SGCD: variants seen among roughly 807,000 people sequenced by gnomAD.
The protein encoded by SGCD is delta-sarcoglycan.
Under a neutral mutation model 36.6 loss-of-function variants are expected in SGCD, and 18 were observed. That is an observed-to-expected ratio of 0.49 (90% CI 0.34 to 0.73). SGCD has a LOEUF of 0.73. Ranked by LOEUF, SGCD falls within the 30% of genes least tolerant of loss-of-function variation. The probability of loss-of-function intolerance (pLI) is 0.01; values close to 1 mark genes in which losing one functional copy is unlikely to be tolerated. For synonymous variants in SGCD, 133 were observed against 130.6 expected (o/e 1.02, Z -0.12); for missense variants, 387 against 346.7 (o/e 1.12, Z -0.92).
At chr5:156,512,474 G>C (rs1756984729) in intron 4 of SGCD, among the ~76,000 whole-genome samples, 1 of 152,174 alleles carries the variant, frequency 6.6e-6, no homozygotes, top group South Asian at 2.1e-4. Context: ...GTGTGTAGTA[G>C]AGTACACCAT....
intron 3 of SGCD, among the ~76,000 whole-genome samples, chr5:156,299,566 C>T (rs1438530880): frequency 6.6e-6 from 1 of 152,064 alleles, no homozygotes; most frequent in Non-Finnish European, 1.5e-5. Flanking sequence ...AATCCACAAA[C>T]ATGGAAATAT....
intron 2 of SGCD, among the ~76,000 whole-genome samples, chr5:156,334,374 T>A (rs1205049981): frequency 6.6e-6 from 1 of 152,218 alleles, no homozygotes; most frequent in Non-Finnish European, 1.5e-5. Context: ...TGCGATCAGA[T>A]GTTTGAAATT....
At chr5:156,031,715 A>G (rs1759351167) in intron 1 of SGCD, among the ~76,000 whole-genome samples, 1 of 152,194 alleles carries the variant, frequency 6.6e-6, no homozygotes, top group South Asian at 2.1e-4. Context: ...CGGATTACCT[A>G]GTTTAAAGTT....
intron 3 of SGCD, among the ~76,000 whole-genome samples, chr5:156,233,439 G>A (rs1470646382): frequency 2.0e-5 from 3 of 152,188 alleles, no homozygotes; most frequent in Non-Finnish European, 2.9e-5. Context: ...GAACAAGGTG[G>A]TATTCTAGAG....
chr5:156,302,449 C>T (rs770576738), intron 3 of SGCD, among the ~76,000 whole-genome samples: 22 of 152,032 alleles, frequency 1.4e-4, no homozygotes, highest in South Asian at 6.2e-4. Context: ...TGAGTTTCCT[C>T]GAGGAAGGTA....
chr5:155,879,468 T>C (rs1452293477), intron 1 of SGCD, among the ~76,000 whole-genome samples: 1 of 152,048 alleles, frequency 6.6e-6, no homozygotes, highest in East Asian at 1.9e-4. Context: ...TAGCGTTGTC[T>C]CCTCCAAATT....
the SGCD span, among the ~76,000 whole-genome samples, chr5:155,792,887 C>G: frequency 6.6e-6 from 1 of 152,156 alleles, no homozygotes; most frequent in African/African-American, 2.4e-5. Flanking sequence ...TTTGACCTAA[C>G]AATCCTATTA....
rs1757472625 is a variant in SGCD at position 156,760,100 on chromosome 5, TCA to T, written c.*713_*714del. 6.6e-6 allele frequency: 1 copy of T among 152,152 alleles called. No homozygotes were observed. Among genetic ancestry groups the T allele is most frequent in the Non-Finnish European group, 1.5e-5 (1 of 68,032 alleles). The allele number at this position is 152,152 out of a possible 1,614,324, so 9.4% of individuals were successfully genotyped here. On this transcript the variant is annotated 3_prime_UTR_variant, in exon 9 of 9. Coordinates refer to ENST00000337851, the MANE Select transcript of SGCD (RefSeq NM_000337.6). Reference sequence around the variant, plus strand: ...TTCTGCTATCTTGCTCCCTCCAAACTCACAGATTCTCCTACAGTCAAATTAGG... The same window carrying T: ...TTCTGCTATCTTGCTCCCTCCAAACTCAGATTCTCCTACAGTCAAATTAGG...
intron 3 of SGCD, among the ~76,000 whole-genome samples, chr5:156,356,129 C>T (rs115641149): frequency 0.015 from 2,347 of 152,298 alleles, 25 homozygotes; most frequent in Middle Eastern, 0.031. Context: ...GTCTGATTAT[C>T]TATTGCTACA....
In SGCD at chr5:156,429,305, T is replaced by C. The variant is rs1034403563; in HGVS notation, c.193-79296T>C. ...TTTACTGTTCTTGCTTTAAAGTCTG[T>C]TTTGTCTGATCTAAAAATAGCTACT... On this transcript the variant is annotated intron_variant, in intron 3 of 8. Transcript: ENST00000337851. 3.6e-4 allele frequency among the ~76,000 whole-genome samples: 54 copies of C among 151,512 alleles called. 1 individual carries two copies. The highest frequency in any genetic ancestry group is 2.0e-4 in the Admixed American group (3 of 15,196).
chr5:156,451,870 T>C lies in SGCD; in HGVS notation c.193-56731T>C, dbSNP rs960400409. On this transcript the variant is annotated intron_variant, in intron 3 of 8. Coordinates refer to ENST00000337851, the MANE Select transcript of SGCD (RefSeq NM_000337.6). ...GGTTCCATGTTAGATAACAAAGCCA[T>C]TGGCCTTTGTTGAGCTGTCGTTCTG... is the stretch of plus-strand genomic sequence containing the variant. Among the ~76,000 whole-genome samples the C allele has an allele frequency of 6.6e-5, 10 of 152,298 alleles. No individual in the cohort carries two copies. The East Asian group carries it at 1.7e-3, about 26-fold the overall frequency.
At chr5:156,190,284 G>A (rs60249910) in intron 3 of SGCD, among the ~76,000 whole-genome samples, 36,816 of 151,898 alleles carry the variant, frequency 0.24, 4,859 homozygotes, top group East Asian at 0.6. Context: ...GGACCTAGCT[G>A]GTGCTTACTA....
At chr5:156,172,587 A>C (rs1763370156) in intron 3 of SGCD, among the ~76,000 whole-genome samples, 1 of 152,214 alleles carries the variant, frequency 6.6e-6, no homozygotes, top group African/African-American at 2.4e-5. Context: ...ATATCTCTTA[A>C]TTGAAATGTT....
chr5:156,719,389 A>ATG (rs965559749), intron 7 of SGCD, among the ~76,000 whole-genome samples: 12 of 151,520 alleles, frequency 7.9e-5, no homozygotes, highest in African/African-American at 2.7e-4. Context: ...AGATATATAT[A>ATG]TGATGTATAT....
At chr5:155,794,116 T>C in the SGCD span, among the ~76,000 whole-genome samples, 1 of 152,152 alleles carries the variant, frequency 6.6e-6, no homozygotes, top group African/African-American at 2.4e-5. Flanking sequence ...AGCACTACAC[T>C]GTAGGGGGAG....
At chr5:156,559,037 G>A (rs908059375) in intron 4 of SGCD, among the ~76,000 whole-genome samples, 4 of 152,166 alleles carry the variant, frequency 2.6e-5, no homozygotes, top group Non-Finnish European at 4.4e-5. Context: ...TTCAGCATCT[G>A]AGAGATGTGA....
At chr5:156,005,685 C>T (rs1489312220) in intron 1 of SGCD, among the ~76,000 whole-genome samples, 1 of 152,210 alleles carries the variant, frequency 6.6e-6, no homozygotes, top group Non-Finnish European at 1.5e-5. Flanking sequence ...CTCCTGACCT[C>T]ATGATCCGCC....
rs1328701202 is a variant in SGCD at position 156,345,612 on chromosome 5, G to A, written c.192+935G>A. ...AGGCTGAGTTGGGAGGATCACTTGA[G>A]TCCAGGAGTTCAAGATCAGCCTGGG... is the stretch of plus-strand genomic sequence containing the variant. On this transcript the variant is annotated intron_variant, in intron 3 of 8. Transcript: ENST00000337851. Among the ~76,000 whole-genome samples, 6 of 152,116 alleles carry A rather than the reference G, an allele frequency of 3.9e-5. No homozygotes were observed. The East Asian group carries it at 5.8e-4, about 15-fold the overall frequency.
At chr5:156,071,794 G>T (rs1485781622) in intron 1 of SGCD, among the ~76,000 whole-genome samples, 2 of 152,120 alleles carry the variant, frequency 1.3e-5, no homozygotes, top group Non-Finnish European at 2.9e-5. Flanking sequence ...CTCAGGACTT[G>T]CTTCATGAAT....
Sources: allele counts gnomAD v4.1 joint callset (sites outside exome capture counted in the v4.1 genomes callset), GRCh38; gene constraint gnomAD v4.1.1; transcripts MANE v1.5; gene names NCBI Gene and HGNC (gene_info 2026-07-23, HGNC 2026-07-21).